The following CD58 variants were observed in gnomAD, a reference collection of about 807,000 sequenced individuals.
CD58 encodes the protein lymphocyte function-associated antigen 3.
Under a neutral mutation model 27.6 loss-of-function variants are expected in CD58, and 14 were observed. That is an observed-to-expected ratio of 0.51 (90% confidence interval 0.34 to 0.79). The LOEUF is 0.79. Ranked by LOEUF, CD58 falls within the 30% of genes least tolerant of loss-of-function variation. The probability of loss-of-function intolerance (pLI) is 0.02; values close to 1 mark genes in which losing one functional copy is unlikely to be tolerated. For missense variants in CD58, 268 were observed against 301.7 expected (o/e 0.89, Z 0.83); for synonymous variants, 117 against 103.8 (o/e 1.13, Z -0.77).
chr1:116,533,837 C>T (rs1458820612), intron 3 of CD58: 6 of 811,838 alleles, frequency 7.4e-6, no homozygotes, highest in Non-Finnish European at 1.3e-5. Context: ...TGAACTTCTT[C>T]ATAGAACTTG....
chr1:116,536,036 T>C lies in CD58; in HGVS notation c.557A>G (p.Gln186Arg). 1 of 1,612,886 alleles carries C rather than the reference T, an allele frequency of 6.2e-7. No homozygotes were observed. The highest frequency in any genetic ancestry group is 8.5e-7 in the Non-Finnish European group (1 of 1,179,072). ...AAATAATGGATTGCTAAGAGTACAC[T>C]GTATTTTTTGTGGAAGATCATTTTC... is the stretch of plus-strand genomic sequence containing the variant. Reference protein sequence around the residue: ...KMENDLPQKIQCTLSNPLFNT... With the variant: ...KMENDLPQKIRCTLSNPLFNT... The change falls in exon 3 of 6, where the codon CAG (glutamine) becomes CGG (arginine). Residue 186 changes from glutamine (Q) to arginine (R), a missense_variant. Gln to Arg is a conservative substitution (Grantham distance 43, BLOSUM62 1). Transcript: ENST00000369489. This position sits in a 1 kb window ranked among gnomAD's most constrained non-coding sequence, Gnocchi z 5.4.
intron 1 of CD58, among the ~76,000 whole-genome samples, chr1:116,567,898 ACTG>A (rs1658994124): frequency 6.6e-6 from 1 of 152,172 alleles, no homozygotes; most frequent in African/African-American, 2.4e-5. Flanking sequence ...GATGTGACAC[ACTG>A]AGAAGGACCC....
At chr1:116,560,580 T>C (rs2101222783) in intron 1 of CD58, among the ~76,000 whole-genome samples, 1 of 152,364 alleles carries the variant, frequency 6.6e-6, no homozygotes, top group South Asian at 2.1e-4. Context: ...TCAATTTTCT[T>C]CTAATTTTTA....
At chr1:116,518,714 A>G in intron 5 of CD58, 1 of 989,820 alleles carries the variant, frequency 1.0e-6, no homozygotes, top group Non-Finnish European at 1.2e-6. Context: ...GCGGTTTATT[A>G]AACCAACACT....
At chr1:116,547,182 A>T (rs1250994662) in intron 1 of CD58, among the ~76,000 whole-genome samples, 2 of 151,666 alleles carry the variant, frequency 1.3e-5, no homozygotes. Context: ...CAAGTCCCCA[A>T]AGTTCACTGT....
At chr1:116,540,920 C>T (rs529570086) in intron 2 of CD58, among the ~76,000 whole-genome samples, 3 of 152,314 alleles carry the variant, frequency 2.0e-5, no homozygotes, top group Admixed American at 2.0e-4. Context: ...AGGGATCCTC[C>T]CACCTCAGCC....
chr1:116,533,892 A>C (rs1261841473), intron 3 of CD58: 5 of 1,216,444 alleles, frequency 4.1e-6, no homozygotes, highest in Middle Eastern at 4.0e-4. Flanking sequence ...TCAATGCATT[A>C]ATTCTTCTTT....
At chr1:116,569,284 A>G (rs538609641) in intron 1 of CD58, among the ~76,000 whole-genome samples, 2 of 152,234 alleles carry the variant, frequency 1.3e-5, no homozygotes, top group East Asian at 3.9e-4. Context: ...ATGGTAGTCC[A>G]CCCTGGCCTT....
chr1:116,533,904 T>A, intron 3 of CD58: 1 of 1,299,836 alleles, frequency 7.7e-7, no homozygotes, highest in Non-Finnish European at 1.1e-6. Flanking sequence ...TTCTTCTTTT[T>A]ACTGCTTTAG....
rs899511394 is a variant in CD58 at position 116,527,956 on chromosome 1, T to G, written c.629-5973A>C. ...TTTTTAATTTTTAGTAGAGATAGGG[T>G]CTCCCTATGTTGCCCAGGCTGGTCT... On this transcript the variant is annotated intron_variant, in intron 3 of 5. Coordinates refer to ENST00000369489, the MANE Select transcript of CD58 (RefSeq NM_001779.3). The surrounding 1 kb of genome is among the most constrained non-coding windows in gnomAD (Gnocchi z 4.4). 6.6e-6 allele frequency among the ~76,000 whole-genome samples: 1 copy of G among 152,146 alleles called. No individual in the cohort carries two copies. The highest frequency in any genetic ancestry group is 6.5e-5 in the Admixed American group (1 of 15,268).
At chr1:116,542,383 G>T (rs192993422) in intron 2 of CD58, among the ~76,000 whole-genome samples, 1 of 152,350 alleles carries the variant, frequency 6.6e-6, no homozygotes, top group East Asian at 1.9e-4. Flanking sequence ...CTGCTGAGAA[G>T]TCAAGAATGA....
chr1:116,533,014 C>T, intron 3 of CD58: 1 of 738,364 alleles, frequency 1.4e-6, no homozygotes, highest in Non-Finnish European at 2.4e-6. Context: ...CTTCTCCCTC[C>T]TCATCACCTT....
At chr1:116,569,822 C>A (rs79300676) in intron 1 of CD58, among the ~76,000 whole-genome samples, 4 of 152,152 alleles carry the variant, frequency 2.6e-5, no homozygotes, top group Non-Finnish European at 5.9e-5. Context: ...TGCTGGTCTC[C>A]GATTCCTGGC....
At chr1:116,548,590 G>GA (rs1158488639) in intron 1 of CD58, among the ~76,000 whole-genome samples, 1 of 152,104 alleles carries the variant, frequency 6.6e-6, no homozygotes, top group Non-Finnish European at 1.5e-5. Flanking sequence ...ATATAACATA[G>GA]AAAATATGTG....
At chr1:116,548,655 G>A (rs1658278428) in intron 1 of CD58, among the ~76,000 whole-genome samples, 1 of 148,822 alleles carries the variant, frequency 6.7e-6, no homozygotes, top group Non-Finnish European at 1.5e-5. Flanking sequence ...AAGTTTTTGG[G>A]AGTCAAGAGT....
chr1:116,568,376 C>T (rs74970720), intron 1 of CD58, among the ~76,000 whole-genome samples: 5,090 of 152,184 alleles, frequency 0.033, 270 homozygotes, highest in African/African-American at 0.12. Context: ...GGAGAAAGTA[C>T]GCAAATGTTC....
chr1:116,544,287 C>T (rs1211435815), intron 2 of CD58, 24 bp downstream of exon 2: 1 of 1,544,148 alleles, frequency 6.5e-7, no homozygotes, highest in Admixed American at 2.0e-5. Flanking sequence ...CCATTTTAAA[C>T]AAATCAACTT....
At chr1:116,556,590 A>G (rs2101214298) in intron 1 of CD58, among the ~76,000 whole-genome samples, 1 of 152,332 alleles carries the variant, frequency 6.6e-6, no homozygotes, top group South Asian at 2.1e-4. Flanking sequence ...TGAGGCACTA[A>G]GCTCTGTGGT....
At position 116,534,169 on chromosome 1, in the gene CD58, G is replaced by A. The variant is rs563073684; in HGVS notation, c.628+1796C>T. On this transcript the variant is annotated intron_variant, in intron 3 of 5. Transcript: ENST00000369489. This position sits in a 1 kb window ranked among gnomAD's most constrained non-coding sequence, Gnocchi z 5.3. ...GCTAAGGCACTCAGGCCAGTCCTCG[G>A]GGAGCACACGCCGCCCATCTGGCTC... 6.2e-5 allele frequency: 39 copies of A among 629,734 alleles called. No homozygotes were observed. In the African/African-American group the frequency reaches 6.3e-4, roughly 10 times the overall value. 39.0% of individuals were successfully genotyped at this position (629,734 alleles called of 1,614,324 possible). A position where few individuals can be genotyped will look rare whatever the true frequency, so the allele number is the denominator to read the frequency against.
Sources: allele counts gnomAD v4.1 joint callset (sites outside exome capture counted in the v4.1 genomes callset), GRCh38; gene constraint gnomAD v4.1.1; non-coding constraint Gnocchi (gnomAD v3.1); transcripts MANE v1.5; gene names NCBI Gene and HGNC (gene_info 2026-07-23, HGNC 2026-07-21).